The following TBC1D5 variants were observed in gnomAD, a reference collection of about 807,000 sequenced individuals.
TBC1D5 encodes the protein TBC1 domain family, member 5.
TBC1D5 carries 75 observed loss-of-function variants against 100.3 expected under a neutral mutation model. The observed-to-expected ratio is 0.75, with a 90% CI of 0.62 to 0.91. The LOEUF is 0.91. TBC1D5 is among the 40% of genes least tolerant of loss of function. TBC1D5 has a pLI of 0.00. For missense variants in TBC1D5, 910 were observed against 942.4 expected, an observed-to-expected ratio of 0.97 and a Z score of 0.45; for synonymous variants, 323 against 325.6, an observed-to-expected ratio of 0.99 and a Z score of 0.09.
intron 9 of TBC1D5, among the ~76,000 whole-genome samples, chr3:17,382,759 AC>A (rs1395571775): frequency 2.0e-5 from 3 of 151,894 alleles, no homozygotes; most frequent in Non-Finnish European, 4.4e-5. Context: ...ATGGGGTTTC[AC>A]CATGTTGCCC....
chr3:17,555,785 T>C (rs2096513601), intron 2 of TBC1D5, among the ~76,000 whole-genome samples: 1 of 152,188 alleles, frequency 6.6e-6, no homozygotes, highest in African/African-American at 2.4e-5. Flanking sequence ...GAGTCTGTTT[T>C]GTCAGTCTTC....
intron 14 of TBC1D5, among the ~76,000 whole-genome samples, chr3:17,299,151 G>C (rs746586135): frequency 1.3e-5 from 2 of 152,194 alleles, no homozygotes; most frequent in Non-Finnish European, 2.9e-5. Context: ...CAAGCACTGT[G>C]ATACCAACAA....
chr3:17,371,499 A>T (rs1443514136), intron 13 of TBC1D5, among the ~76,000 whole-genome samples: 1 of 152,194 alleles, frequency 6.6e-6, no homozygotes, highest in Non-Finnish European at 1.5e-5. Flanking sequence ...TCACTGTGAA[A>T]TATGTGTAAA....
At chr3:17,520,566 C>T (rs1485460966) in intron 2 of TBC1D5, among the ~76,000 whole-genome samples, 1 of 151,874 alleles carries the variant, frequency 6.6e-6, no homozygotes, top group Non-Finnish European at 1.5e-5. Flanking sequence ...AAAAATTATC[C>T]ATCTACCATG....
chr3:17,203,859 G>C (rs563977779), intron 18 of TBC1D5, among the ~76,000 whole-genome samples: 12 of 152,142 alleles, frequency 7.9e-5, no homozygotes, highest in Non-Finnish European at 1.3e-4. Context: ...GTTCCTGATA[G>C]CAATAAGAGA....
chr3:17,183,117 C>G (rs901995606), intron 19 of TBC1D5, among the ~76,000 whole-genome samples: 2 of 152,180 alleles, frequency 1.3e-5, no homozygotes, highest in Admixed American at 6.5e-5. Flanking sequence ...CTCCCCCCAA[C>G]TGGAGAGTAT....
rs187721037 is a variant in TBC1D5 at position 17,637,285 on chromosome 3, G to A, written c.-100-13372C>T. 1.1e-3 allele frequency among the ~76,000 whole-genome samples: 143 copies of A among 135,948 alleles called. 1 individual carries two copies. The highest frequency in any genetic ancestry group is 3.8e-3 in the African/African-American group (136 of 36,204). The allele number at this position is 135,948 out of a possible 152,430, so 89.2% of individuals were successfully genotyped here. On this transcript the variant is annotated intron_variant, in intron 1 of 21. Coordinates refer to ENST00000253692, the Ensembl canonical transcript of TBC1D5. The stretch of plus-strand genomic sequence containing the variant: ...TCTCAATCTCCTGACCTCGTGATCC[G>A]CCCACCTCAGCCTCCCAAAGTGCTG...
intron 2 of TBC1D5, among the ~76,000 whole-genome samples, chr3:17,515,890 T>C (rs1422930958): frequency 6.6e-6 from 1 of 152,098 alleles, no homozygotes; most frequent in African/African-American, 2.4e-5. Flanking sequence ...TATGAAAAAA[T>C]CACACTTGAT....
At chr3:17,439,547 A>T (rs1001555937) in intron 3 of TBC1D5, among the ~76,000 whole-genome samples, 12 of 152,012 alleles carry the variant, frequency 7.9e-5, no homozygotes, top group Non-Finnish European at 1.3e-4. Flanking sequence ...TCAAATATCA[A>T]TTTTTTTTAA....
intron 8 of TBC1D5, among the ~76,000 whole-genome samples, chr3:17,399,190 A>C (rs2093585717): frequency 6.6e-6 from 1 of 152,136 alleles, no homozygotes; most frequent in Non-Finnish European, 1.5e-5. Flanking sequence ...GAGTAAGTCC[A>C]TTCTTCTTCA....
At chr3:17,626,379 A>AT (rs1175891218) in intron 1 of TBC1D5, among the ~76,000 whole-genome samples, 9 of 152,128 alleles carry the variant, frequency 5.9e-5, no homozygotes, top group African/African-American at 2.2e-4. Context: ...TAGGCAACCA[A>AT]TTAAGATTTA....
chr3:17,349,088 T>G (rs771083078), intron 13 of TBC1D5, among the ~76,000 whole-genome samples: 1 of 152,166 alleles, frequency 6.6e-6, no homozygotes, highest in South Asian at 2.1e-4. Context: ...CTGATGGAAA[T>G]TATCCAAAAC....
At chr3:17,390,828 T>G (rs2093329888) in intron 8 of TBC1D5, among the ~76,000 whole-genome samples, 1 of 152,146 alleles carries the variant, frequency 6.6e-6, no homozygotes. Context: ...ACAGACATAC[T>G]GAAAGACACA....
chr3:17,424,156 A>C (rs1332663095), intron 4 of TBC1D5, among the ~76,000 whole-genome samples: 2 of 152,226 alleles, frequency 1.3e-5, no homozygotes, highest in African/African-American at 4.8e-5. Flanking sequence ...TAATAAAACA[A>C]AAGTTTTTAA....
intron 2 of TBC1D5, among the ~76,000 whole-genome samples, chr3:17,538,938 C>A (rs2096315893): frequency 6.6e-6 from 1 of 152,066 alleles, no homozygotes; most frequent in Non-Finnish European, 1.5e-5. Context: ...TCCCAGTACT[C>A]TGGAAGGCCA....
chr3:17,592,730 G>T (rs1373750962), intron 2 of TBC1D5, among the ~76,000 whole-genome samples: 3 of 152,196 alleles, frequency 2.0e-5, no homozygotes, highest in African/African-American at 7.2e-5. Flanking sequence ...GGTCCTTGAG[G>T]TGTCAGTGGC....
chr3:17,544,547 A>G (rs2096393619), intron 2 of TBC1D5, among the ~76,000 whole-genome samples: 1 of 151,598 alleles, frequency 6.6e-6, no homozygotes, highest in African/African-American at 2.4e-5. Flanking sequence ...GCTACTCAGG[A>G]GACTGAGACA....
chr3:17,522,480 A>T (rs150082105), intron 2 of TBC1D5, among the ~76,000 whole-genome samples: 312 of 152,330 alleles, frequency 2.0e-3, no homozygotes, highest in African/African-American at 7.2e-3. Context: ...TAGTGCTCAC[A>T]TAATATCTTG....
intron 21 of TBC1D5, among the ~76,000 whole-genome samples, chr3:17,165,923 G>A (rs1016505817): frequency 3.3e-5 from 5 of 152,164 alleles, no homozygotes; most frequent in Admixed American, 6.5e-5. Context: ...CTCTGGCTTC[G>A]GAGCCTGTAT....
Sources: allele counts gnomAD v4.1 joint callset (sites outside exome capture counted in the v4.1 genomes callset), GRCh38; gene constraint gnomAD v4.1.1; transcripts MANE v1.5; gene names NCBI Gene and HGNC (gene_info 2026-07-23, HGNC 2026-07-21).